SPOCK2: variants seen among roughly 807,000 people sequenced by gnomAD.
The protein encoded by SPOCK2 is SPARC (osteonectin), cwcv and kazal like domains proteoglycan 2, also known as testican-2.
Under a neutral mutation model 60.1 loss-of-function variants are expected in SPOCK2, and 39 were observed. That is an observed-to-expected ratio of 0.65 (90% confidence interval 0.50 to 0.85). The LOEUF (loss-of-function observed/expected upper bound fraction) is 0.85. Ranked by LOEUF, SPOCK2 falls within the 40% of genes least tolerant of loss-of-function variation. The pLI, the probability that SPOCK2 is intolerant of heterozygous loss-of-function variation, is 0.00. For missense variants in SPOCK2, 523 were observed against 567.4 expected (o/e 0.92, Z 0.80); for synonymous variants, 217 against 231.5 (o/e 0.94, Z 0.57).
chr10:72,088,252 G>A lies in SPOCK2; in HGVS notation c.77C>T (p.Ala26Val). ...GGTCTCGCCCTCCTTGAGCCCCTTGGCGTCGCCTTCGGCCAGGGCTGCCGC... is the reference window on the plus strand; with the variant it reads ...GGTCTCGCCCTCCTTGAGCCCCTTGACGTCGCCTTCGGCCAGGGCTGCCGC... Reference protein sequence around the residue: ...LAAAALAEGDAKGLKEGETPG... With the variant: ...LAAAALAEGDVKGLKEGETPG... The change falls in exon 1 of 11, where the codon GCC (alanine) becomes GTC (valine). Residue 26 changes from alanine (A) to valine (V), a missense_variant. Ala to Val is a moderately conservative substitution (Grantham distance 64, BLOSUM62 0). Transcript: ENST00000373109. The A allele has an allele frequency of 6.2e-7, 1 of 1,610,422 alleles. No homozygotes were observed. Among genetic ancestry groups the A allele is most frequent in the Non-Finnish European group, 8.5e-7 (1 of 1,179,302 alleles).
intron 1 of SPOCK2, among the ~76,000 whole-genome samples, chr10:72,077,954 CG>C (rs1450551036): frequency 1.3e-5 from 2 of 152,186 alleles, no homozygotes; most frequent in African/African-American, 2.4e-5. Flanking sequence ...CACACGGCTG[CG>C]GCCACCCGGA....
rs1840502251 is a variant in SPOCK2 at position 72,062,334 on chromosome 10, C to T, written c.*426G>A. 6.0e-6 allele frequency: 1 copy of T among 166,482 alleles called. No individual in the cohort carries two copies. The highest frequency in any genetic ancestry group is 2.4e-5 in the African/African-American group (1 of 41,716). 10.3% of individuals were successfully genotyped at this position (166,482 alleles called of 1,614,324 possible). ...AACCAAGGGGAGCCAGGGTAGAAAC[C>T]AAGGGGTCAGGGCTGGGCTGGAGGA... On this transcript the variant is annotated 3_prime_UTR_variant, in exon 11 of 11. Transcript: ENST00000373109. The surrounding 1 kb of genome is among the most constrained non-coding windows in gnomAD (Gnocchi z 4.3).
Position 72,064,218 on chromosome 10 carries a change from C to G in SPOCK2, c.951G>C (p.Leu317=). The G allele has an allele frequency of 6.2e-7, 1 of 1,607,300 alleles. No homozygotes were observed. Among genetic ancestry groups the G allele is most frequent in the Non-Finnish European group, 8.5e-7 (1 of 1,177,654 alleles). The change falls in exon 9 of 11, where the codon CTG becomes CTC. Residue 317 remains leucine (L), a synonymous_variant. Transcript: ENST00000373109. ...WREKPPCLAE[L]ERIQIQEAAK... Reference sequence around the variant, plus strand: ...CGGCCTCCTGGATCTGGATGCGCTCCAGCTCTGCCAGGCAGGGGGGCTCTG... The same window carrying G: ...CGGCCTCCTGGATCTGGATGCGCTCGAGCTCTGCCAGGCAGGGGGGCTCTG...
intron 1 of SPOCK2, among the ~76,000 whole-genome samples, chr10:72,076,104 GA>G (rs1486407445): frequency 2.6e-5 from 4 of 152,138 alleles, no homozygotes; most frequent in African/African-American, 9.7e-5. Context: ...CAAAAAAGTG[GA>G]GAGGGAGAGG....
At position 72,062,865 on chromosome 10, in the gene SPOCK2, G is replaced by T. The variant is rs745730696; in HGVS notation, c.1170C>A (p.Val390=). The T allele has an allele frequency of 2.5e-6, 4 of 1,602,108 alleles. No homozygotes were observed. Among genetic ancestry groups the T allele is most frequent in the African/African-American group, 1.3e-5 (1 of 74,712 alleles). The change falls in exon 11 of 11, where the codon GTC becomes GTA. Residue 390 remains valine, a synonymous_variant. Transcript: ENST00000373109. This position sits in a 1 kb window ranked among gnomAD's most constrained non-coding sequence, Gnocchi z 4.3. ...CCTTCTCCTCCTCATCCTCCCAGCCGACACCGCTTCCAAAGTCCCCCGAGA... is the reference window on the plus strand; with the variant it reads ...CCTTCTCCTCCTCATCCTCCCAGCCTACACCGCTTCCAAAGTCCCCCGAGA... ...VGFSGDFGSG[V]GWEDEEEKET...
At position 72,070,373 on chromosome 10, in the gene SPOCK2, G is replaced by A; in HGVS notation, c.413C>T (p.Pro138Leu). ...LHGNKDSICK[P>L]CHMAQLASVC... is the part of the protein sequence containing the mutation. ...AGAGGCAAGCTGGGCCATGTGGCAG[G>A]GCTTGCAGATGGAGTCTTTGTTTCC... The change falls in exon 5 of 11, where the codon CCC becomes CTC. Residue 138 changes from proline (P) to leucine (L), a missense_variant. Transcript: ENST00000373109. The A allele has an allele frequency of 6.2e-7, 1 of 1,614,214 alleles. No homozygotes were observed. Among genetic ancestry groups the A allele is most frequent in the Non-Finnish European group, 8.5e-7 (1 of 1,180,030 alleles).
chr10:72,078,944 T>C (rs1170220949), intron 1 of SPOCK2, among the ~76,000 whole-genome samples: 1 of 152,244 alleles, frequency 6.6e-6, no homozygotes, highest in Admixed American at 6.5e-5. Flanking sequence ...CTTCTCTCTA[T>C]GCCCAACATC....
chr10:72,059,475 CCTT>C lies in SPOCK2; in HGVS notation c.*3282_*3284del, dbSNP rs1158257403. On this transcript the variant is annotated 3_prime_UTR_variant, in exon 11 of 11. Coordinates refer to ENST00000373109, the MANE Select transcript of SPOCK2 (RefSeq NM_001244950.2). ...GAACTTCCTCGGGATGTCTGGGTCT[CCTT>C]CTGTGGTGTCTCTCCCCTGGGACTG... is the stretch of plus-strand genomic sequence containing the variant. The C allele has an allele frequency of 6.6e-6, 1 of 152,280 alleles. No homozygotes were observed. Among genetic ancestry groups the C allele is most frequent in the Admixed American group, 6.5e-5 (1 of 15,282 alleles). The allele number at this position is 152,280 out of a possible 1,614,324, so 9.4% of individuals were successfully genotyped here.
intron 1 of SPOCK2, chr10:72,086,961 T>A (rs1214590671): frequency 6.4e-7 from 1 of 1,551,632 alleles, no homozygotes; most frequent in South Asian, 1.2e-5. Context: ...TGGTGTGGCC[T>A]GCGTTGTACT....
At chr10:72,066,875 G>A in intron 8 of SPOCK2, 27 bp downstream of exon 8, 1 of 1,613,196 alleles carries the variant, frequency 6.2e-7, no homozygotes, top group South Asian at 1.1e-5. Context: ...GGGTGAGGCA[G>A]GGGCCTGGGA....
chr10:72,060,826 C>T lies in SPOCK2; in HGVS notation c.*1934G>A, dbSNP rs1472716114. ...TCTGCTATTTCCCCCAAGAAGGACTCGGAAGATGTTGATTCCAGGGCAGAG... is the reference window on the plus strand; with the variant it reads ...TCTGCTATTTCCCCCAAGAAGGACTTGGAAGATGTTGATTCCAGGGCAGAG... On this transcript the variant is annotated 3_prime_UTR_variant, in exon 11 of 11. Coordinates refer to ENST00000373109, the MANE Select transcript of SPOCK2 (RefSeq NM_001244950.2). 4 of 152,328 alleles carry T rather than the reference C, an allele frequency of 2.6e-5. No individual in the cohort carries two copies. The highest frequency in any genetic ancestry group is 2.0e-4 in the Admixed American group (3 of 15,298). 9.4% of individuals were successfully genotyped at this position (152,328 alleles called of 1,614,324 possible).
Position 72,072,364 on chromosome 10 carries a change from AGAGCTCCT to A in SPOCK2, c.245-114_245-107del, listed in dbSNP as rs1840659144. On this transcript the variant is annotated intron_variant, in intron 3 of 10. Transcript: ENST00000373109. ...CTCCCTCCAGCAGCCCTTGATAACCAGAGCTCCTGAGCTCAGGAGTCCCATCCCCACCG... is the reference window on the plus strand; with the variant it reads ...CTCCCTCCAGCAGCCCTTGATAACCAGAGCTCAGGAGTCCCATCCCCACCG... 3 of 1,465,764 alleles carry A rather than the reference AGAGCTCCT, an allele frequency of 2.0e-6. No individual in the cohort carries two copies. In the East Asian group the frequency reaches 7.2e-5, roughly 35 times the overall value. The allele number at this position is 1,465,764 out of a possible 1,614,324, so 90.8% of individuals were successfully genotyped here.
At chr10:72,073,942 C>T (rs182952773) in intron 1 of SPOCK2, among the ~76,000 whole-genome samples, 11 of 152,342 alleles carry the variant, frequency 7.2e-5, no homozygotes, top group Admixed American at 2.6e-4. Flanking sequence ...GCTTCCCAGG[C>T]CTGCAGGCTG....
In SPOCK2 at chr10:72,063,082, C is replaced by T. The variant is rs1840517886; in HGVS notation, c.1072G>A (p.Val358Met). Residue 358 changes from valine (V) to methionine (M), a missense_variant, in exon 10 of 11, where the codon GTG becomes ATG. Val to Met is a conservative substitution (Grantham distance 21). Transcript: ENST00000373109. ...CDQSSGDCWC[V>M]DQLGLELTGT... ...GTCAGCTCCAGGCCCAGCTGGTCCA[C>T]ACACCAGCAGTCACCGCTGCTCTGG... 3 of 1,555,004 alleles carry T rather than the reference C, an allele frequency of 1.9e-6. No homozygotes were observed. The highest frequency in any genetic ancestry group is 1.7e-4 in the Middle Eastern group (1 of 5,996).
At chr10:72,067,555 G>A in intron 7 of SPOCK2, 58 bp downstream of exon 7, 1 of 1,603,676 alleles carries the variant, frequency 6.2e-7, no homozygotes, top group Non-Finnish European at 8.5e-7. Context: ...ATACACCTGT[G>A]TCCTCAGCCC....
Position 72,062,908 on chromosome 10 carries a change from G to C in SPOCK2, c.1130-3C>G, listed in dbSNP as rs767949989. 2.5e-6 allele frequency: 4 copies of C among 1,597,548 alleles called. No individual in the cohort carries two copies. Among genetic ancestry groups the C allele is most frequent in the Non-Finnish European group, 3.4e-6 (4 of 1,174,592 alleles). On this transcript the variant is annotated splice_region_variant and splice_polypyrimidine_tract_variant and intron_variant, in intron 10 of 10. Coordinates refer to ENST00000373109, the MANE Select transcript of SPOCK2 (RefSeq NM_001244950.2). This position sits in a 1 kb window ranked among gnomAD's most constrained non-coding sequence, Gnocchi z 4.3. ...CCCCGAGAAGCCCACGATGTCATCT[G>C]TGAGGGGATCAAGCCAACAGGGGGT... is the stretch of plus-strand genomic sequence containing the variant.
chr10:72,068,405 C>G (rs1840601287), intron 5 of SPOCK2, 104 bp from the exon 6 acceptor site: 5 of 1,228,754 alleles, frequency 4.1e-6, no homozygotes, highest in Middle Eastern at 2.3e-4. Context: ...TCTGCCTCCC[C>G]CCATGGAGTG....
At chr10:72,084,264 G>A (rs1441557819) in intron 1 of SPOCK2, among the ~76,000 whole-genome samples, 1 of 152,214 alleles carries the variant, frequency 6.6e-6, no homozygotes, top group Non-Finnish European at 1.5e-5. Flanking sequence ...AAGCCCTCCA[G>A]CCCCCTGGCA....
intron 1 of SPOCK2, among the ~76,000 whole-genome samples, chr10:72,083,159 C>G (rs989834215): frequency 6.6e-6 from 1 of 152,192 alleles, no homozygotes; most frequent in Non-Finnish European, 1.5e-5. Context: ...TGGTCTCCAG[C>G]TAATATACAC....
Sources: gnomAD v4.1 joint callset for allele counts (sites outside exome capture counted in the v4.1 genomes callset) on GRCh38, gnomAD v4.1.1 for gene constraint, Gnocchi (gnomAD v3.1) non-coding constraint, MANE v1.5 for transcripts, NCBI Gene and HGNC (gene_info 2026-07-23, HGNC 2026-07-21) for gene names.